The following SHB variants were observed in gnomAD, a reference collection of about 807,000 sequenced individuals.
The protein encoded by SHB is SH2 domain-containing adapter protein B.
Under a neutral mutation model 52.3 loss-of-function variants are expected in SHB, and 20 were observed. The observed-to-expected ratio is 0.38, with a 90% CI of 0.27 to 0.56. The LOEUF (loss-of-function observed/expected upper bound fraction) is 0.56. Among genes scored for constraint, SHB ranks in the 20% least tolerant of loss-of-function variants. The pLI, the probability that SHB is intolerant of heterozygous loss-of-function variation, is 0.71. For missense variants in SHB, 825 were observed against 723.3 expected, an observed-to-expected ratio of 1.14 and a Z score of -1.61; for synonymous variants, 397 against 316.5, an observed-to-expected ratio of 1.25 and a Z score of -2.70.
At chr9:38,048,940 C>T (rs141026036) in intron 1 of SHB, among the ~76,000 whole-genome samples, 236 of 152,316 alleles carry the variant, frequency 1.5e-3, no homozygotes, top group African/African-American at 5.3e-3. Context: ...TGACCTAAAA[C>T]CAAGTCTACA....
chr9:37,938,802 C>T (rs1832404044), intron 5 of SHB, among the ~76,000 whole-genome samples: 1 of 152,242 alleles, frequency 6.6e-6, no homozygotes, highest in Non-Finnish European at 1.5e-5. Context: ...ACGTCTGGCA[C>T]TGCCGGGTTG....
intron 3 of SHB, among the ~76,000 whole-genome samples, chr9:37,972,190 T>A (rs1021841129): frequency 6.6e-6 from 1 of 152,126 alleles, no homozygotes; most frequent in Non-Finnish European, 1.5e-5. Context: ...GTCCTCGGTG[T>A]CTGGGAAAGT....
In SHB at chr9:38,052,196, CA is replaced by C. The variant is rs1173524455; in HGVS notation, c.717+15732del. Among the ~76,000 whole-genome samples, 7 of 152,178 alleles carry C rather than the reference CA, an allele frequency of 4.6e-5. No homozygotes were observed. In the East Asian group the frequency reaches 1.4e-3, roughly 29 times the overall value. ...ACTAGCTCTGTCCACCCCCAGAACA[CA>C]CACAGCCCCCTCCCCATCTCCTTAG... On this transcript the variant is annotated intron_variant, in intron 1 of 5. Transcript: ENST00000377707.
chr9:37,923,422 A>C (rs1488208864), intron 5 of SHB, among the ~76,000 whole-genome samples: 1 of 152,188 alleles, frequency 6.6e-6, no homozygotes, highest in Non-Finnish European at 1.5e-5. Context: ...GGAGCCCCCC[A>C]GCCTGAGAGG....
At chr9:38,026,948 G>T (rs2118104104) in intron 1 of SHB, among the ~76,000 whole-genome samples, 1 of 152,344 alleles carries the variant, frequency 6.6e-6, no homozygotes, top group African/African-American at 2.4e-5. Flanking sequence ...ATTGCTTCCA[G>T]GTCCCCAGGG....
chr9:37,967,506 G>A (rs1210778969), intron 3 of SHB, among the ~76,000 whole-genome samples: 2 of 152,166 alleles, frequency 1.3e-5, no homozygotes, highest in Admixed American at 6.5e-5. Context: ...GGGTGTAGTA[G>A]AAGCACAGAG....
At chr9:37,995,108 C>G (rs1020925325) in intron 2 of SHB, among the ~76,000 whole-genome samples, 4 of 152,188 alleles carry the variant, frequency 2.6e-5, no homozygotes, top group Admixed American at 6.5e-5. Context: ...CGCTGCCAGA[C>G]AAGCTTCCTC....
In SHB at chr9:38,004,354, G is replaced by T. The variant is rs115214811; in HGVS notation, c.838+11657C>A. Among the ~76,000 whole-genome samples, 663 of 152,256 alleles carry T rather than the reference G, an allele frequency of 4.4e-3. 3 individuals are homozygous for T. Among genetic ancestry groups the T allele is most frequent in the African/African-American group, 0.015 (632 of 41,522 alleles). On this transcript the variant is annotated intron_variant, in intron 2 of 5. Transcript: ENST00000377707. ...AAGCATGCAGAGGCTTCTGGGGAAGGTGAACCTGAGCTGCTGGGGGCTGCG... is the reference window on the plus strand; with the variant it reads ...AAGCATGCAGAGGCTTCTGGGGAAGTTGAACCTGAGCTGCTGGGGGCTGCG...
chr9:38,007,836 G>A (rs1821091137), intron 2 of SHB, among the ~76,000 whole-genome samples: 1 of 152,206 alleles, frequency 6.6e-6, no homozygotes, highest in African/African-American at 2.4e-5. Context: ...ACATCAGAGA[G>A]GTGGGGGAGG....
At chr9:37,927,550 G>A (rs1312285278) in intron 5 of SHB, among the ~76,000 whole-genome samples, 1 of 152,208 alleles carries the variant, frequency 6.6e-6, no homozygotes, top group Non-Finnish European at 1.5e-5. Context: ...GCTGGCAGAT[G>A]CCTCTCCTGG....
intron 2 of SHB, among the ~76,000 whole-genome samples, chr9:38,009,308 G>A (rs1171122484): frequency 6.6e-6 from 1 of 152,232 alleles, no homozygotes; most frequent in African/African-American, 2.4e-5. Flanking sequence ...GGCTGGGGGT[G>A]GGGCAGGACC....
chr9:38,011,485 A>C, intron 2 of SHB, among the ~76,000 whole-genome samples: 1 of 152,176 alleles, frequency 6.6e-6, no homozygotes, highest in Admixed American at 6.5e-5. Context: ...GATCCCTCCT[A>C]TTCAGTTGGT....
At chr9:37,957,056 G>A (rs1832644086) in intron 3 of SHB, among the ~76,000 whole-genome samples, 1 of 152,178 alleles carries the variant, frequency 6.6e-6, no homozygotes, top group Admixed American at 6.5e-5. Flanking sequence ...CCTTGGCTAC[G>A]CTATTGAACC....
At chr9:37,937,323 A>G (rs182243806) in intron 5 of SHB, among the ~76,000 whole-genome samples, 1 of 152,352 alleles carries the variant, frequency 6.6e-6, no homozygotes, top group Admixed American at 6.5e-5. Flanking sequence ...CCATAAGCAG[A>G]GTGTGGATTT....
chr9:38,010,665 A>C (rs1033872470), intron 2 of SHB, among the ~76,000 whole-genome samples: 7 of 152,164 alleles, frequency 4.6e-5, no homozygotes, highest in African/African-American at 1.4e-4. Flanking sequence ...GGAGAGCCAC[A>C]TGCTCATCTC....
At chr9:38,067,674 G>A (rs1821988109) in intron 1 of SHB, among the ~76,000 whole-genome samples, 1 of 152,200 alleles carries the variant, frequency 6.6e-6, no homozygotes, top group Admixed American at 6.5e-5. Flanking sequence ...GTCTTCCTGG[G>A]GCAAGGCTGG....
At chr9:37,977,737 G>C (rs750397943) in intron 2 of SHB, among the ~76,000 whole-genome samples, 30 of 152,188 alleles carry the variant, frequency 2.0e-4, no homozygotes, top group Admixed American at 4.6e-4. Context: ...CCTCCGTTCT[G>C]AGGAGTGAAG....
rs138556078 is a variant in SHB, at chr9:37,917,271, C to T, written c.*2550G>A. On this transcript the variant is annotated 3_prime_UTR_variant, in exon 6 of 6. Coordinates refer to ENST00000377707, the MANE Select transcript of SHB (RefSeq NM_003028.3). ...CCTGTAAGCTGGCTCCTCTGCTGGC[C>T]TCTGTCCCTGAGAGGGGCAGGAGGT... Among the ~76,000 whole-genome samples the T allele has an allele frequency of 4.0e-3, 604 of 152,300 alleles. 2 individuals carry two copies. Among genetic ancestry groups the T allele is most frequent in the African/African-American group, 0.014 (590 of 41,556 alleles).
intron 3 of SHB, among the ~76,000 whole-genome samples, chr9:37,965,630 G>A (rs1820502882): frequency 6.7e-6 from 1 of 150,278 alleles, no homozygotes; most frequent in Non-Finnish European, 1.5e-5. Flanking sequence ...AGGCTGGAGT[G>A]AGTGGCACGA....
Sources: allele counts gnomAD v4.1 joint callset (sites outside exome capture counted in the v4.1 genomes callset), GRCh38; gene constraint gnomAD v4.1.1; transcripts MANE v1.5; gene names NCBI Gene and HGNC (gene_info 2026-07-23, HGNC 2026-07-21).